The following ANKRD26 variants were observed in gnomAD, a reference collection of about 807,000 sequenced individuals.
The protein encoded by ANKRD26 is ankyrin repeat domain 26, also known as ankyrin repeat domain-containing protein 26.
ANKRD26 carries 141 observed loss-of-function variants against 208.7 expected under a neutral mutation model. The observed-to-expected ratio is 0.68, with a 90% confidence interval of 0.59 to 0.78. The LOEUF (loss-of-function observed/expected upper bound fraction) is 0.78. Among genes scored for constraint, ANKRD26 ranks in the 30% least tolerant of loss-of-function variants. The pLI, the probability that ANKRD26 is intolerant of heterozygous loss-of-function variation, is 0.00. For synonymous variants in ANKRD26, 636 were observed against 660.4 expected, an observed-to-expected ratio of 0.96 and a Z score of 0.57; for missense variants, 1,889 against 1,938.7, an observed-to-expected ratio of 0.97 and a Z score of 0.48.
At position 27,100,412 on chromosome 10, in the gene ANKRD26, G is replaced by T; in HGVS notation, c.-86C>A. 1 of 1,565,758 alleles carries T rather than the reference G, an allele frequency of 6.4e-7. No homozygotes were observed. The highest frequency in any genetic ancestry group is 1.9e-5 in the Admixed American group (1 of 53,128). On this transcript the variant is annotated 5_prime_UTR_variant, in exon 1 of 34. Transcript: ENST00000376087. ...GAGCCCAACATAACAAGTCAGCCCCGGCTGGCCGCAGCCTCCCAAAGGAAA... is the reference window on the plus strand; with the variant it reads ...GAGCCCAACATAACAAGTCAGCCCCTGCTGGCCGCAGCCTCCCAAAGGAAA...
chr10:27,062,770 C>CTTTT (rs879365257), intron 12 of ANKRD26, among the ~76,000 whole-genome samples: 8 of 142,470 alleles, frequency 5.6e-5, no homozygotes, highest in Non-Finnish European at 7.7e-5. Context: ...TTCTTTCTTT[C>CTTTT]TTTTTTTTTT....
At chr10:27,000,780 G>A (rs1368885417), downstream of ANKRD26, among the ~76,000 whole-genome samples, 1 of 152,168 alleles carries the variant, frequency 6.6e-6, no homozygotes, top group Admixed American at 6.5e-5. Context: ...GAGGCAGGTG[G>A]ATCACCTGAG....
chr10:27,065,852 A>ATTCT, intron 11 of ANKRD26, among the ~76,000 whole-genome samples: 2 of 138,260 alleles, frequency 1.4e-5, no homozygotes, highest in African/African-American at 5.3e-5. Flanking sequence ...ACCTGAAATA[A>ATTCT]TTCTTTCTTT....
the ANKRD26 span, among the ~76,000 whole-genome samples, chr10:26,964,504 C>T: frequency 6.6e-6 from 1 of 152,210 alleles, no homozygotes; most frequent in Non-Finnish European, 1.5e-5. Flanking sequence ...CCACAGAGAG[C>T]TGTTTCACAG....
chr10:27,071,631 A>T (rs928737819), intron 9 of ANKRD26, among the ~76,000 whole-genome samples: 8 of 152,114 alleles, frequency 5.3e-5, no homozygotes, highest in Non-Finnish European at 1.2e-4. Context: ...TTTTCCAAGA[A>T]GCAACACAGG....
intron 15 of ANKRD26, among the ~76,000 whole-genome samples, chr10:27,057,558 T>G (rs756137584): frequency 5.9e-5 from 9 of 152,198 alleles, no homozygotes; most frequent in Non-Finnish European, 1.0e-4. Flanking sequence ...AAAAACTTAT[T>G]ACAATGAAAT....
chr10:27,063,050 G>A (rs2055119196), intron 12 of ANKRD26, among the ~76,000 whole-genome samples: 2 of 152,010 alleles, frequency 1.3e-5, no homozygotes, highest in South Asian at 4.1e-4. Context: ...GAGCCACCGT[G>A]CCCAGCCTGA....
chr10:27,002,385 C>T (rs936462132), downstream of ANKRD26, among the ~76,000 whole-genome samples: 62 of 152,304 alleles, frequency 4.1e-4, no homozygotes, highest in African/African-American at 1.2e-3. Context: ...GGAGTTTGCA[C>T]GTTCTCCCCT....
rs1250283542 is a variant in ANKRD26, at chr10:27,014,605, G to T, written c.4613C>A (p.Ser1538Tyr). The T allele has an allele frequency of 1.6e-5, 26 of 1,610,710 alleles. No individual in the cohort carries two copies. Among genetic ancestry groups the T allele is most frequent in the Non-Finnish European group, 2.2e-5 (26 of 1,178,366 alleles). ...GTCTTCTTGAGAAGTTTTTATTTTG[G>T]AGAGTTCAGATTCCAGATCTTTAAT... ...LRIKDLESEL[S>Y]KIKTSQEDFN... The change falls in exon 31 of 34, where the codon TCC becomes TAC. Residue 1538 changes from serine (S) to tyrosine (Y), a missense_variant. Around this residue, in one of 3 missense-constraint regions of ANKRD26, gnomAD observed 613 missense variants for 648.2 expected, o/e 0.95. Transcript: ENST00000376087.
intron 32 of ANKRD26, 78 bp downstream of exon 32, chr10:27,012,804 G>T: frequency 2.9e-6 from 4 of 1,391,280 alleles, no homozygotes; most frequent in African/African-American, 1.4e-5. Context: ...AGAGTAAAAC[G>T]CTGTCTCAAA....
At position 27,033,440 on chromosome 10, in the gene ANKRD26, AAATT is replaced by A. The variant is rs901258079; in HGVS notation, c.3655-67_3655-64del. Reference sequence around the variant, plus strand: ...TTATTATTAAGTTATGTTAAAAAATAAATTATGTTAATAATATTTAACTATGACA... The same window carrying A: ...TTATTATTAAGTTATGTTAAAAAATAATGTTAATAATATTTAACTATGACA... On this transcript the variant is annotated intron_variant, in intron 24 of 33. Transcript: ENST00000376087. The A allele has an allele frequency of 4.8e-6, 7 of 1,468,630 alleles. No individual in the cohort carries two copies. The African/African-American group carries it at 8.5e-5, about 18-fold the overall frequency. 91.0% of individuals were successfully genotyped at this position (1,468,630 alleles called of 1,614,324 possible).
chr10:27,088,735 C>T (rs1413979216), intron 4 of ANKRD26, among the ~76,000 whole-genome samples: 2 of 152,096 alleles, frequency 1.3e-5, no homozygotes, highest in Admixed American at 1.3e-4. Flanking sequence ...GGAGTACATT[C>T]CTGGTAGCAA....
chr10:27,071,234 C>T (rs1488193004), intron 9 of ANKRD26, among the ~76,000 whole-genome samples: 1 of 137,984 alleles, frequency 7.2e-6, no homozygotes, highest in Non-Finnish European at 1.5e-5. Flanking sequence ...GGCGCGATCT[C>T]GGCTCACTGC....
rs10645567 is a variant in ANKRD26, at chr10:27,016,875, G to GAA, written c.4506+625_4506+626dup. Among the ~76,000 whole-genome samples the GAA allele has an allele frequency of 5.1e-3, 769 of 151,562 alleles. 9 individuals are homozygous for GAA. The highest frequency in any genetic ancestry group is 0.017 in the African/African-American group (722 of 41,294). ...ATTCAGAGAGTAATTTTAAATATGT[G>GAA]AAAAAAAAGCTGAAGTTTAAAATAT... On this transcript the variant is annotated intron_variant, in intron 30 of 33. Transcript: ENST00000376087.
chr10:27,016,291 ATTTG>A (rs991402378), intron 30 of ANKRD26, among the ~76,000 whole-genome samples: 89 of 151,702 alleles, frequency 5.9e-4, no homozygotes, highest in African/African-American at 2.0e-3. Flanking sequence ...GCCCAGCCTA[ATTTG>A]TTTGTTTTGT....
intron 4 of ANKRD26, among the ~76,000 whole-genome samples, chr10:27,089,251 T>A (rs868675816): frequency 5.4e-4 from 82 of 152,286 alleles, no homozygotes; most frequent in African/African-American, 1.9e-3. Context: ...AAGAGGACTG[T>A]CTTCCTTGGA....
chr10:27,060,267 A>T, intron 15 of ANKRD26, 78 bp downstream of exon 15: 1 of 1,320,238 alleles, frequency 7.6e-7, no homozygotes, highest in Non-Finnish European at 1.1e-6. Context: ...TAGGAATAAG[A>T]AAACTGTGAG....
intron 31 of ANKRD26, among the ~76,000 whole-genome samples, chr10:27,013,760 A>G (rs944465289): frequency 1.3e-4 from 20 of 152,176 alleles, no homozygotes; most frequent in Non-Finnish European, 2.8e-4. Context: ...AGAGCAAAAA[A>G]TTGTAGGGGA....
intron 15 of ANKRD26, among the ~76,000 whole-genome samples, chr10:27,059,447 C>T (rs1190432479): frequency 1.3e-5 from 2 of 151,968 alleles, no homozygotes; most frequent in East Asian, 1.9e-4. Flanking sequence ...TATTTATAGA[C>T]GTATACATAC....
Sources: allele counts gnomAD v4.1 joint callset (sites outside exome capture counted in the v4.1 genomes callset), GRCh38; gene constraint gnomAD v4.1.1; regional missense constraint gnomAD v4.1.1; transcripts MANE v1.5; gene names NCBI Gene and HGNC (gene_info 2026-07-23, HGNC 2026-07-21).